FSHR: variants seen among roughly 807,000 people sequenced by gnomAD.
FSHR encodes follicle-stimulating hormone receptor.
Under a neutral mutation model 52.1 loss-of-function variants are expected in FSHR, and 46 were observed. The ratio of observed to expected loss-of-function variants is 0.88; its 90% confidence interval spans 0.70 to 1.13. The LOEUF is 1.13. FSHR is among the 50% of genes most tolerant of loss of function. The pLI is 0.00. For synonymous variants in FSHR, 399 were observed against 309.6 expected (o/e 1.29, Z -3.03); for missense variants, 964 against 834.6 (o/e 1.16, Z -1.91).
intron 6 of FSHR, among the ~76,000 whole-genome samples, chr2:48,987,357 C>G (rs1675557615): frequency 6.6e-6 from 1 of 151,856 alleles, no homozygotes. Flanking sequence ...ATGCCTGCCA[C>G]CATGCCCAGC....
intron 8 of FSHR, 152 bp from the exon 9 acceptor site, chr2:48,969,035 A>G (rs1017487201): frequency 2.7e-6 from 2 of 731,372 alleles, no homozygotes; most frequent in African/African-American, 3.5e-5. Context: ...GGCCAGATGG[A>G]TATTTGGCTA....
exon 1 of FSHR, chr2:49,154,513 TCTGACTTGAGAA>T: frequency 7.5e-7 from 1 of 1,336,152 alleles, no homozygotes; most frequent in Non-Finnish European, 1.1e-6. Flanking sequence ...TGAGAAGAGA[TCTGACTTGAGAA>T]CTGGTAGGGT....
chr2:49,055,737 G>A (rs1669039880), intron 2 of FSHR, among the ~76,000 whole-genome samples: 2 of 151,810 alleles, frequency 1.3e-5, no homozygotes, highest in Non-Finnish European at 1.5e-5. Context: ...TACAGGCCAG[G>A]GGAGAATAGG....
At chr2:49,027,082 C>T (rs1345097610) in intron 2 of FSHR, among the ~76,000 whole-genome samples, 1 of 152,210 alleles carries the variant, frequency 6.6e-6, no homozygotes, top group Non-Finnish European at 1.5e-5. Context: ...TGTCTGACAT[C>T]CCTACTGGCC....
intron 1 of FSHR, among the ~76,000 whole-genome samples, chr2:49,114,513 G>C (rs1458896546): frequency 6.6e-6 from 1 of 152,132 alleles, no homozygotes; most frequent in Non-Finnish European, 1.5e-5. Context: ...CTTCAGACTG[G>C]CTGTAATACT....
intron 1 of FSHR, among the ~76,000 whole-genome samples, chr2:49,116,982 C>G (rs1348645105): frequency 6.6e-6 from 1 of 152,154 alleles, no homozygotes; most frequent in Non-Finnish European, 1.5e-5. Context: ...GAGGAAAAAC[C>G]AAGCTTGGGA....
intron 2 of FSHR, among the ~76,000 whole-genome samples, chr2:49,023,053 G>C (rs1667794462): frequency 6.6e-6 from 1 of 152,030 alleles, no homozygotes; most frequent in African/African-American, 2.4e-5. Context: ...CAGACTTTTT[G>C]ACCCAATGTA....
At chr2:48,994,343 G>T (rs1432307761) in intron 4 of FSHR, among the ~76,000 whole-genome samples, 2 of 152,158 alleles carry the variant, frequency 1.3e-5, no homozygotes, top group Admixed American at 6.6e-5. Context: ...AATTGCATGA[G>T]CTTCCATAGC....
chr2:49,088,750 G>T (rs1257618677), intron 1 of FSHR, among the ~76,000 whole-genome samples: 1 of 152,132 alleles, frequency 6.6e-6, no homozygotes, highest in African/African-American at 2.4e-5. Context: ...GGATTAACTA[G>T]GGATAAACTT....
chr2:49,100,409 T>C (rs1017568321), intron 1 of FSHR, among the ~76,000 whole-genome samples: 4 of 152,148 alleles, frequency 2.6e-5, no homozygotes, highest in Admixed American at 2.6e-4. Context: ...TTAAATAAAA[T>C]AAAATACTCA....
intron 8 of FSHR, among the ~76,000 whole-genome samples, chr2:48,976,236 G>C (rs891578595): frequency 7.2e-5 from 11 of 152,166 alleles, no homozygotes; most frequent in Non-Finnish European, 1.6e-4. Flanking sequence ...TGCATCTATT[G>C]AGATAATCAT....
chr2:49,098,065 C>T (rs979886395), intron 1 of FSHR, among the ~76,000 whole-genome samples: 13 of 151,850 alleles, frequency 8.6e-5, no homozygotes, highest in East Asian at 1.9e-4. Context: ...AGTAGGGTTA[C>T]GAAATAAAAT....
intron 9 of FSHR, among the ~76,000 whole-genome samples, chr2:48,967,787 T>TGTTAAAG (rs1405222325): frequency 6.6e-6 from 1 of 152,222 alleles, no homozygotes; most frequent in African/African-American, 2.4e-5. Context: ...GGTCAATGTA[T>TGTTAAAG]GTTAAAGGTT....
intron 2 of FSHR, among the ~76,000 whole-genome samples, chr2:49,023,280 T>C (rs72827268): frequency 0.019 from 2,940 of 152,326 alleles, 32 homozygotes; most frequent in East Asian, 0.049. Context: ...CATTGTCTAA[T>C]TCATCTGTTT....
At chr2:49,023,056 C>G (rs971592558) in intron 2 of FSHR, among the ~76,000 whole-genome samples, 1 of 151,956 alleles carries the variant, frequency 6.6e-6, no homozygotes, top group Non-Finnish European at 1.5e-5. Context: ...ACTTTTTGAC[C>G]CAATGTACAT....
At chr2:49,108,228 C>G (rs1306162100) in intron 1 of FSHR, among the ~76,000 whole-genome samples, 1 of 152,160 alleles carries the variant, frequency 6.6e-6, no homozygotes, top group African/African-American at 2.4e-5. Flanking sequence ...CCCTGCTTCT[C>G]AGGTCTTCAG....
chr2:49,037,393 T>G (rs945210674), intron 2 of FSHR, among the ~76,000 whole-genome samples: 3 of 152,222 alleles, frequency 2.0e-5, no homozygotes, highest in African/African-American at 7.2e-5. Context: ...TCATCCTTCC[T>G]GCTTCTAACC....
chr2:49,148,716 T>C (rs886764584), intron 1 of FSHR, among the ~76,000 whole-genome samples: 5 of 151,984 alleles, frequency 3.3e-5, no homozygotes, highest in Admixed American at 2.6e-4. Flanking sequence ...AGCAAGATTA[T>C]AATAAGGCTG....
chr2:49,132,789 A>G (rs1057422202), intron 1 of FSHR, among the ~76,000 whole-genome samples: 1 of 152,018 alleles, frequency 6.6e-6, no homozygotes, highest in Non-Finnish European at 1.5e-5. Flanking sequence ...GGTCAAAAAC[A>G]TAGTTGTGGA....
Sources: gnomAD v4.1 joint callset for allele counts (sites outside exome capture counted in the v4.1 genomes callset) on GRCh38, gnomAD v4.1.1 for gene constraint, MANE v1.5 for transcripts, NCBI Gene and HGNC (gene_info 2026-07-23, HGNC 2026-07-21) for gene names.